Variants in ACOT12 observed in about 807,000 individuals in gnomAD.
The protein encoded by ACOT12 is acyl-CoA thioesterase 12, also known as acetyl-coenzyme A thioesterase.
ACOT12 carries 51 observed loss-of-function variants against 67.7 expected under a neutral mutation model. The observed-to-expected ratio is 0.75, with a 90% confidence interval of 0.60 to 0.95. The LOEUF (loss-of-function observed/expected upper bound fraction) is 0.95, where lower values mean the gene tolerates loss of function less well. Ranked by LOEUF, ACOT12 falls within the 40% of genes least tolerant of loss-of-function variation. The pLI is 0.00. For missense variants in ACOT12, 734 were observed against 708.1 expected (o/e 1.04, Z -0.41); for synonymous variants, 251 against 244.6 (o/e 1.03, Z -0.24).
At chr5:81,309,233 T>C in the ACOT12 span, 1 of 450,514 alleles carries the variant, frequency 2.2e-6, no homozygotes, top group East Asian at 3.4e-5. Flanking sequence ...ATAAAACAAA[T>C]CAGAAAAAAC....
At chr5:81,315,643 G>A in the ACOT12 span, among the ~76,000 whole-genome samples, 1 of 152,198 alleles carries the variant, frequency 6.6e-6, no homozygotes, top group Non-Finnish European at 1.5e-5. Flanking sequence ...GGATAATCAA[G>A]AGGAGGCCTC....
chr5:81,362,943 G>T (rs1353165680), intron 4 of ACOT12, among the ~76,000 whole-genome samples: 1 of 152,156 alleles, frequency 6.6e-6, no homozygotes, highest in Non-Finnish European at 1.5e-5. Context: ...AGGCTCCATA[G>T]CTCACACCTC....
intron 2 of ACOT12, among the ~76,000 whole-genome samples, chr5:81,378,217 C>G (rs192192024): frequency 2.0e-5 from 3 of 152,184 alleles, no homozygotes; most frequent in Non-Finnish European, 4.4e-5. Flanking sequence ...ACAAACCTGA[C>G]AAAAACAAGC....
chr5:81,374,906 G>A (rs917309194), intron 2 of ACOT12, among the ~76,000 whole-genome samples: 6 of 152,126 alleles, frequency 3.9e-5, no homozygotes, highest in Admixed American at 6.5e-5. Context: ...AACCAAGTCG[G>A]AAAACACTCT....
At chr5:81,309,200 G>C in the ACOT12 span, 1 of 496,614 alleles carries the variant, frequency 2.0e-6, no homozygotes, top group Non-Finnish European at 3.4e-6. Flanking sequence ...TAGGCTTTTT[G>C]TGCAATTTGA....
intron 3 of ACOT12, 52 bp from the exon 4 acceptor site, chr5:81,363,941 G>T: frequency 7.5e-7 from 1 of 1,341,732 alleles, no homozygotes; most frequent in Non-Finnish European, 9.9e-7. Context: ...TCAGATTTCA[G>T]CATTCAAAAT....
At chr5:81,371,097 G>A (rs61332223) in intron 3 of ACOT12, among the ~76,000 whole-genome samples, 2,439 of 152,220 alleles carry the variant, frequency 0.016, 48 homozygotes, top group African/African-American at 0.053. Flanking sequence ...AGAACAAACA[G>A]AATTAGAATA....
chr5:81,348,811 G>A (rs1212288128), intron 5 of ACOT12, among the ~76,000 whole-genome samples: 2 of 152,186 alleles, frequency 1.3e-5, no homozygotes, highest in Admixed American at 6.5e-5. Context: ...TGATCTGCCC[G>A]CCTCGGCCTC....
In ACOT12 at chr5:81,394,124, G is replaced by A. The variant is rs939537318; in HGVS notation, c.-10C>T. 2.2e-5 allele frequency: 31 copies of A among 1,432,020 alleles called. No individual in the cohort carries two copies. The African/African-American group carries it at 4.3e-4, about 20-fold the overall frequency. The allele number at this position is 1,432,020 out of a possible 1,614,324, so 88.7% of individuals were successfully genotyped here. A position where few individuals can be genotyped will look rare whatever the true frequency, so the allele number is the denominator to read the frequency against. On this transcript the variant is annotated 5_prime_UTR_variant, in exon 1 of 15. Coordinates refer to ENST00000307624, the MANE Select transcript of ACOT12 (RefSeq NM_130767.3). The stretch of plus-strand genomic sequence containing the variant: ...GCGCCGGCCGCTCCATGGCCAGGGC[G>A]AGAGCGCTACGCCTGCGGCCCCCGA...
At chr5:81,313,804 T>C in the ACOT12 span, among the ~76,000 whole-genome samples, 16 of 152,234 alleles carry the variant, frequency 1.1e-4, no homozygotes, top group Non-Finnish European at 2.2e-4. Flanking sequence ...GTTCTAGTCT[T>C]AATAGGAGCT....
intron 2 of ACOT12, among the ~76,000 whole-genome samples, chr5:81,385,000 A>G (rs1456080884): frequency 6.6e-6 from 1 of 152,316 alleles, no homozygotes; most frequent in South Asian, 2.1e-4. Flanking sequence ...ACAGTAAAAG[A>G]TGGTTAAGAA....
At chr5:81,325,559 G>T (rs140120125), downstream of ACOT12, among the ~76,000 whole-genome samples, 1 of 147,478 alleles carries the variant, frequency 6.8e-6, no homozygotes, top group Admixed American at 6.6e-5. Context: ...ACAAGGAAAC[G>T]GGGGGGCATG....
chr5:81,339,966 C>A (rs1759136767), intron 11 of ACOT12, among the ~76,000 whole-genome samples: 1 of 152,058 alleles, frequency 6.6e-6, no homozygotes, highest in African/African-American at 2.4e-5. Context: ...CTCAAACAAT[C>A]CTTCTACCTC....
intron 2 of ACOT12, among the ~76,000 whole-genome samples, chr5:81,376,901 A>G (rs960649218): frequency 3.3e-5 from 5 of 152,212 alleles, no homozygotes; most frequent in Non-Finnish European, 7.3e-5. Context: ...GCCGAATTAT[A>G]CCAGAGGTAC....
the ACOT12 span, among the ~76,000 whole-genome samples, chr5:81,310,782 G>A: frequency 2.0e-5 from 3 of 152,192 alleles, no homozygotes; most frequent in African/African-American, 7.2e-5. Flanking sequence ...TAGAACAGTA[G>A]TTTCTAATCT....
chr5:81,348,854 G>A (rs980219175), intron 5 of ACOT12, among the ~76,000 whole-genome samples: 17 of 152,228 alleles, frequency 1.1e-4, no homozygotes, highest in African/African-American at 3.4e-4. Flanking sequence ...GTGAGCCACC[G>A]CGCCTAGCTT....
In ACOT12 at chr5:81,352,881, T is replaced by C. The variant is rs554172034; in HGVS notation, c.497-4951A>G. ...ACACCTACTGTGTACCCACAGAAAT[T>C]GAAGTGTGTGTGATAGTGACGGTCT... On this transcript the variant is annotated intron_variant, in intron 5 of 14. Transcript: ENST00000307624. 3.9e-5 allele frequency among the ~76,000 whole-genome samples: 6 copies of C among 152,300 alleles called. No individual in the cohort carries two copies. The South Asian group carries it at 1.0e-3, about 26-fold the overall frequency.
chr5:81,331,008 A>G (rs1222053728), intron 13 of ACOT12, 68 bp from the exon 14 acceptor site: 2 of 1,473,346 alleles, frequency 1.4e-6, no homozygotes, highest in African/African-American at 2.8e-5. Flanking sequence ...AAATCCCTAT[A>G]GTTAACCCAA....
the ACOT12 span, among the ~76,000 whole-genome samples, chr5:81,316,175 C>A: frequency 6.6e-6 from 1 of 152,192 alleles, no homozygotes; most frequent in Non-Finnish European, 1.5e-5. Context: ...AATTCACATA[C>A]GATAAAATTC....
Sources: allele counts gnomAD v4.1 joint callset (sites outside exome capture counted in the v4.1 genomes callset), GRCh38; gene constraint gnomAD v4.1.1; transcripts MANE v1.5; gene names NCBI Gene and HGNC (gene_info 2026-07-23, HGNC 2026-07-21).